The following SLC6A9 variants were observed in gnomAD, a reference collection of about 807,000 sequenced individuals.
SLC6A9 encodes the protein sodium- and chloride-dependent glycine transporter 1.
In SLC6A9, 31 loss-of-function variants were observed where a neutral mutation model predicts 70.9. The ratio of observed to expected loss-of-function variants is 0.44; its 90% CI spans 0.33 to 0.59. The LOEUF (loss-of-function observed/expected upper bound fraction) is 0.59. Among genes scored for constraint, SLC6A9 ranks in the 20% least tolerant of loss-of-function variants. The probability of loss-of-function intolerance (pLI) is 0.04; values close to 1 mark genes in which losing one functional copy is unlikely to be tolerated. For synonymous variants in SLC6A9, 310 were observed against 341.3 expected, an observed-to-expected ratio of 0.91 and a Z score of 1.01; for missense variants, 631 against 845.2, an observed-to-expected ratio of 0.75 and a Z score of 3.14.
At position 44,010,080 on chromosome 1, in the gene SLC6A9, G is replaced by A. The variant is rs755703731; in HGVS notation, c.204C>T (p.Pro68=). The A allele has an allele frequency of 1.9e-6, 3 of 1,613,900 alleles. No homozygotes were observed. In the African/African-American group the frequency reaches 4.0e-5, roughly 22 times the overall value. The change falls in exon 4 of 14, where the codon CCC becomes CCT. Residue 68 remains proline, a synonymous_variant. Coordinates refer to ENST00000372310, the MANE Select transcript of SLC6A9 (RefSeq NM_001024845.3). The part of the protein sequence containing the change: ...YRNGGGAFMF[P]YFIMLIFCGI... ...CGCAGAAGATGAGCATGATGAAGTAGGGGAACATGAAGGCGCCTGGTAGGC... is the reference window on the plus strand; with the variant it reads ...CGCAGAAGATGAGCATGATGAAGTAAGGGAACATGAAGGCGCCTGGTAGGC...
At chr1:44,027,003 G>C (rs571076373) in intron 1 of SLC6A9, among the ~76,000 whole-genome samples, 1 of 152,326 alleles carries the variant, frequency 6.6e-6, no homozygotes, top group South Asian at 2.1e-4. Context: ...AGGAGAATGA[G>C]CTGGGTGTAA....
Position 44,001,168 on chromosome 1 carries a change from C to T in SLC6A9, c.1331G>A (p.Ser444Asn). 1 of 1,614,242 alleles carries T rather than the reference C, an allele frequency of 6.2e-7. No individual in the cohort carries two copies. ...CTTCCCTTACGCAGCTCTTACCTGGCTGGTGAGGGGGATGCCCAGCAGGAA... is the reference window on the plus strand; with the variant it reads ...CTTCCCTTACGCAGCTCTTACCTGGTTGGTGAGGGGGATGCCCAGCAGGAA... ...AGFLLGIPLTSQAGIYWLLLM... is the reference protein window; with the variant it reads ...AGFLLGIPLTNQAGIYWLLLM... Residue 444 changes from serine (S) to asparagine (N), a missense_variant, in exon 10 of 14, where the codon AGC becomes AAC. Coordinates refer to ENST00000372310, the MANE Select transcript of SLC6A9 (RefSeq NM_001024845.3).
intron 3 of SLC6A9, 40 bp from the exon 4 acceptor site, chr1:44,010,136 G>C (rs199718784): frequency 1.2e-6 from 2 of 1,611,036 alleles, no homozygotes; most frequent in Non-Finnish European, 1.7e-6. Context: ...AGTGGGCTTG[G>C]AGGGATCTCA....
At chr1:44,023,079 G>T (rs1006743129) in intron 2 of SLC6A9, among the ~76,000 whole-genome samples, 9 of 152,124 alleles carry the variant, frequency 5.9e-5, no homozygotes, top group African/African-American at 2.2e-4. Flanking sequence ...TTTGGGGAGG[G>T]CTCAGTAGAG....
In SLC6A9 at chr1:44,002,385, TAGA is replaced by T; in HGVS notation, c.887_889del (p.Phe296del). On this transcript the variant is annotated inframe_deletion, in exon 8 of 14. Coordinates refer to ENST00000372310, the MANE Select transcript of SLC6A9 (RefSeq NM_001024845.3). The surrounding 1 kb of genome is among the most constrained non-coding windows in gnomAD (Gnocchi z 5.5). ...GCCTCCCCACGCGCAGCCCAGTGAG[TAGA>T]AGATCTGGGAGGCAGCATCACCCCA... 6.2e-7 allele frequency: 1 copy of T among 1,613,996 alleles called. No individual in the cohort carries two copies. The highest frequency in any genetic ancestry group is 8.5e-7 in the Non-Finnish European group (1 of 1,179,948).
intron 2 of SLC6A9, among the ~76,000 whole-genome samples, chr1:44,012,873 G>A (rs1337519600): frequency 1.3e-5 from 2 of 152,178 alleles, no homozygotes; most frequent in Non-Finnish European, 2.9e-5. Flanking sequence ...AATCCTGTCT[G>A]AGCATGTCAC....
At chr1:44,000,908 G>C (rs200693069) in intron 11 of SLC6A9, 41 bp from the exon 12 acceptor site, 74 of 1,594,144 alleles carry the variant, frequency 4.6e-5, no homozygotes, top group Non-Finnish European at 6.2e-5. Context: ...GGACAGAGTG[G>C]GCGGGCCAAG....
chr1:44,028,371 G>A (rs1478247470), intron 1 of SLC6A9, among the ~76,000 whole-genome samples: 2 of 152,206 alleles, frequency 1.3e-5, no homozygotes, highest in Non-Finnish European at 2.9e-5. Flanking sequence ...AGCCATTGGT[G>A]GAATGTGCAT....
At position 43,997,168 on chromosome 1, in the gene SLC6A9, G is replaced by T. The variant is rs1234252037; in HGVS notation, c.*377C>A. On this transcript the variant is annotated 3_prime_UTR_variant, in exon 14 of 14. Coordinates refer to ENST00000372310, the MANE Select transcript of SLC6A9 (RefSeq NM_001024845.3). This position sits in a 1 kb window ranked among gnomAD's most constrained non-coding sequence, Gnocchi z 4.4. ...CCTGGCAGAGGCTGGGGTCGGCTCTGAGGGCAGGAGCACTAGTCATGGGGC... is the reference window on the plus strand; with the variant it reads ...CCTGGCAGAGGCTGGGGTCGGCTCTTAGGGCAGGAGCACTAGTCATGGGGC... The T allele has an allele frequency of 8.2e-6, 2 of 244,476 alleles. No individual in the cohort carries two copies. Among genetic ancestry groups the T allele is most frequent in the Non-Finnish European group, 1.6e-5 (2 of 127,176 alleles). The allele number at this position is 244,476 out of a possible 1,614,324, so 15.1% of individuals were successfully genotyped here.
chr1:44,012,566 T>C (rs1191981781), intron 2 of SLC6A9, among the ~76,000 whole-genome samples: 1 of 152,244 alleles, frequency 6.6e-6, no homozygotes, highest in Non-Finnish European at 1.5e-5. Flanking sequence ...TGACACTGGC[T>C]ATGTGCCAGG....
At chr1:44,014,543 T>A (rs1017851215) in intron 2 of SLC6A9, 1 of 152,152 alleles carries the variant, frequency 6.6e-6, no homozygotes, top group Admixed American at 6.6e-5. Context: ...CAAGGACTTA[T>A]GATCTTTCCT....
intron 2 of SLC6A9, chr1:44,011,852 C>T: frequency 1.2e-6 from 1 of 827,420 alleles, no homozygotes; most frequent in South Asian, 1.8e-5. Context: ...GAACCCCAGG[C>T]CCAAAAGCTG....
chr1:44,028,914 T>C (rs1490080159), intron 1 of SLC6A9, among the ~76,000 whole-genome samples: 1 of 151,860 alleles, frequency 6.6e-6, no homozygotes, highest in Non-Finnish European at 1.5e-5. Flanking sequence ...TTCAGAGAAA[T>C]ATAAAAGGCA....
rs200488126 is a variant in SLC6A9 at position 44,024,305 on chromosome 1, C to T, written c.-28G>A. 2.3e-4 allele frequency: 369 copies of T among 1,613,862 alleles called. No homozygotes were observed. The highest frequency in any genetic ancestry group is 9.0e-4 in the Admixed American group (54 of 60,014). ...CGGCGGTGGGTTGGGGCTCTGGTGACGGGGACCACACTCACAGGCTCTGCT... is the reference window on the plus strand; with the variant it reads ...CGGCGGTGGGTTGGGGCTCTGGTGATGGGGACCACACTCACAGGCTCTGCT... On this transcript the variant is annotated 5_prime_UTR_variant, in exon 2 of 14. Transcript: ENST00000372310.
At chr1:44,011,488 G>A in intron 2 of SLC6A9, 1 of 1,296,844 alleles carries the variant, frequency 7.7e-7, no homozygotes, top group Non-Finnish European at 1.1e-6. Context: ...AGGGCATTCT[G>A]GGACTCTAGG....
At chr1:44,017,613 C>T (rs12757200) in intron 2 of SLC6A9, among the ~76,000 whole-genome samples, 13 of 152,214 alleles carry the variant, frequency 8.5e-5, no homozygotes, top group Admixed American at 7.8e-4. Flanking sequence ...ACCAGAGCAG[C>T]TCAGGCTCCA....
In SLC6A9 at chr1:44,022,711, TTTCTTTCTTTC is replaced by T. The variant is rs1190265249; in HGVS notation, c.30+1526_30+1536del. 7.5e-5 allele frequency among the ~76,000 whole-genome samples: 6 copies of T among 80,076 alleles called. No homozygotes were observed. In the African/African-American group the frequency reaches 1.1e-3, roughly 14 times the overall value. The allele number at this position is 80,076 out of a possible 152,430, so 52.5% of individuals were successfully genotyped here. A position where few individuals can be genotyped will look rare whatever the true frequency, so the allele number is the denominator to read the frequency against. On this transcript the variant is annotated intron_variant, in intron 2 of 13. Transcript: ENST00000372310. ...CTGTTTTTTAATTTTTCTTTCTTTC[TTTCTTTCTTTC>T]TTTTTTTTTTTTTTGAGACAGAGCC... is the stretch of plus-strand genomic sequence containing the variant.
chr1:43,999,902 C>A (rs1356488906), intron 12 of SLC6A9, among the ~76,000 whole-genome samples: 1 of 152,206 alleles, frequency 6.6e-6, no homozygotes, highest in Non-Finnish European at 1.5e-5. Context: ...TACCTGCCTT[C>A]CCCGAATCCC....
rs891771914 is a variant in SLC6A9, at chr1:44,024,044, A to C, written c.30+204T>G. On this transcript the variant is annotated intron_variant, in intron 2 of 13. Transcript: ENST00000372310. Reference sequence around the variant, plus strand: ...GGGCCCACACCTCCTGCCTTCTGGCAGGTCTTTGCGGGCTCTGCGGGCTTG... The same window carrying C: ...GGGCCCACACCTCCTGCCTTCTGGCCGGTCTTTGCGGGCTCTGCGGGCTTG... Among the ~76,000 whole-genome samples, 6 of 152,172 alleles carry C rather than the reference A, an allele frequency of 3.9e-5. No individual in the cohort carries two copies. The South Asian group carries it at 1.2e-3, about 32-fold the overall frequency.
Sources: allele counts gnomAD v4.1 joint callset (sites outside exome capture counted in the v4.1 genomes callset), GRCh38; gene constraint gnomAD v4.1.1; non-coding constraint Gnocchi (gnomAD v3.1); transcripts MANE v1.5; gene names NCBI Gene and HGNC (gene_info 2026-07-23, HGNC 2026-07-21).